S100Z: variants seen among roughly 807,000 people sequenced by gnomAD.
S100Z encodes protein S100-Z.
In S100Z, 11 loss-of-function variants were observed where a neutral mutation model predicts 8.5. That is an observed-to-expected ratio of 1.30 (90% confidence interval 0.82 to 2.15). The LOEUF is 2.15. S100Z is among the 30% of genes most tolerant of loss of function. The pLI is 0.00. For missense variants in S100Z, 126 were observed against 117.9 expected (o/e 1.07, Z -0.32); for synonymous variants, 34 against 43.8 (o/e 0.78, Z 0.89).
intron 4 of S100Z, among the ~76,000 whole-genome samples, chr5:76,906,978 A>ATG (rs1744461868): frequency 1.3e-3 from 4 of 3,018 alleles, no homozygotes; most frequent in Admixed American, 8.5e-3. Context: ...GTGTGTGTGT[A>ATG]TATATATATA....
At chr5:76,932,544 G>T in the S100Z span, among the ~76,000 whole-genome samples, 1 of 152,066 alleles carries the variant, frequency 6.6e-6, no homozygotes, top group East Asian at 1.9e-4. Context: ...AGCAGAGATG[G>T]GGTTTCATCA....
intron 4 of S100Z, among the ~76,000 whole-genome samples, chr5:76,882,070 G>A (rs1431191021): frequency 6.6e-6 from 1 of 152,196 alleles, no homozygotes; most frequent in African/African-American, 2.4e-5. Flanking sequence ...CCCTTTGCAA[G>A]AGTGAGGGCT....
chr5:76,880,145 G>A (rs2150646644), intron 4 of S100Z, among the ~76,000 whole-genome samples: 1 of 152,326 alleles, frequency 6.6e-6, no homozygotes, highest in South Asian at 2.1e-4. Context: ...ACTTTCTTAA[G>A]GGTGGGGGAG....
At chr5:76,952,569 T>C in the S100Z span, 2 of 152,634 alleles carry the variant, frequency 1.3e-5, no homozygotes, top group Non-Finnish European at 2.9e-5. Flanking sequence ...ATGCCTCAAG[T>C]TTCTTACTGA....
At chr5:76,862,880 T>G (rs2150626075) in intron 1 of S100Z, among the ~76,000 whole-genome samples, 1 of 152,276 alleles carries the variant, frequency 6.6e-6, no homozygotes, top group East Asian at 1.9e-4. Flanking sequence ...TCAAGTTCAC[T>G]CCTGCTCTGT....
In S100Z at chr5:76,921,055, G is replaced by A. The variant is rs1263479640; in HGVS notation, c.*341G>A. On this transcript the variant is annotated 3_prime_UTR_variant, in exon 5 of 5. Transcript: ENST00000317593. ...AAAGTAATATAAGTTTATTGTAGGG[G>A]GAAATAATCAAATGTAATCTCATTA... 3 of 151,972 alleles carry A rather than the reference G, an allele frequency of 2.0e-5. No individual in the cohort carries two copies. Among genetic ancestry groups the A allele is most frequent in the Non-Finnish European group, 4.4e-5 (3 of 67,984 alleles). 9.4% of individuals were successfully genotyped at this position (151,972 alleles called of 1,614,324 possible).
intron 4 of S100Z, among the ~76,000 whole-genome samples, chr5:76,880,385 T>A (rs1035791807): frequency 4.6e-5 from 7 of 152,126 alleles, no homozygotes; most frequent in African/African-American, 1.7e-4. Context: ...TGGTGAAGTG[T>A]TGGGGTGGCG....
chr5:76,914,543 T>C (rs1024223837), intron 4 of S100Z, among the ~76,000 whole-genome samples: 3 of 152,068 alleles, frequency 2.0e-5, no homozygotes, highest in East Asian at 1.9e-4. Flanking sequence ...GTTCTTTCAC[T>C]CTTCGCAATA....
At chr5:76,870,783 A>G (rs1320689664) in intron 2 of S100Z, among the ~76,000 whole-genome samples, 1 of 152,112 alleles carries the variant, frequency 6.6e-6, no homozygotes, top group African/African-American at 2.4e-5. Flanking sequence ...CTGAGACCAC[A>G]GTGGGAACAA....
the S100Z span, among the ~76,000 whole-genome samples, chr5:76,937,604 A>G: frequency 6.6e-6 from 1 of 151,824 alleles, no homozygotes; most frequent in Non-Finnish European, 1.5e-5. Context: ...ATAAAAAAAA[A>G]TAGCTGGATG....
At position 76,907,453 on chromosome 5, in the gene S100Z, G is replaced by A. The variant is rs542832703; in HGVS notation, c.*3-13264G>A. ...CAAGTAGCTGGGACTACAGGGGCCCGCCACCATGCCCGGCTAATTTTTTGT... is the reference window on the plus strand; with the variant it reads ...CAAGTAGCTGGGACTACAGGGGCCCACCACCATGCCCGGCTAATTTTTTGT... On this transcript the variant is annotated intron_variant, in intron 4 of 4. Transcript: ENST00000317593. 1.5e-4 allele frequency among the ~76,000 whole-genome samples: 23 copies of A among 152,020 alleles called. No individual in the cohort carries two copies. The East Asian group carries it at 2.3e-3, about 15-fold the overall frequency.
chr5:76,914,379 C>CCAATCAGCACTCTGTAAAAACGG (rs1561251212), intron 4 of S100Z, among the ~76,000 whole-genome samples: 1 of 129,978 alleles, frequency 7.7e-6, no homozygotes, highest in Non-Finnish European at 1.6e-5. Context: ...TTTGTAAACA[C>CCAATCAGCACTCTGTAAAAACGG]ACCAATCAGC....
chr5:76,924,397 C>T (rs975344140), downstream of S100Z, among the ~76,000 whole-genome samples: 21 of 152,210 alleles, frequency 1.4e-4, no homozygotes, highest in African/African-American at 5.1e-4. Context: ...ATTCTCTGTT[C>T]ACTTTCAGCA....
At chr5:76,876,827 AG>A (rs1317976327) in intron 3 of S100Z, among the ~76,000 whole-genome samples, 1 of 152,178 alleles carries the variant, frequency 6.6e-6, no homozygotes, top group Admixed American at 6.5e-5. Context: ...GCAGAAAATG[AG>A]GGGGGCATGG....
chr5:76,929,705 T>A, the S100Z span, among the ~76,000 whole-genome samples: 2 of 151,974 alleles, frequency 1.3e-5, no homozygotes, highest in African/African-American at 4.8e-5. Flanking sequence ...TGAATCAGAG[T>A]GAATGGTAGA....
At chr5:76,940,665 G>A in the S100Z span, among the ~76,000 whole-genome samples, 11 of 152,194 alleles carry the variant, frequency 7.2e-5, no homozygotes, top group South Asian at 4.2e-4. Context: ...CACCCACCAC[G>A]GCCTCCCAAA....
At chr5:76,904,004 G>C (rs1301208925) in intron 4 of S100Z, among the ~76,000 whole-genome samples, 1 of 152,010 alleles carries the variant, frequency 6.6e-6, no homozygotes, top group Non-Finnish European at 1.5e-5. Flanking sequence ...CAAAGTGCCA[G>C]GATTACAGGC....
At chr5:76,866,295 C>A (rs1045751952) in intron 1 of S100Z, among the ~76,000 whole-genome samples, 3 of 152,012 alleles carry the variant, frequency 2.0e-5, no homozygotes, top group African/African-American at 7.2e-5. Context: ...ATGTTGCCCA[C>A]AATGGTCTCG....
At chr5:76,938,664 G>C in the S100Z span, among the ~76,000 whole-genome samples, 1 of 152,160 alleles carries the variant, frequency 6.6e-6, no homozygotes, top group South Asian at 2.1e-4. Flanking sequence ...TCCCAACATT[G>C]CAAAGGCATT....
Sources: allele counts gnomAD v4.1 joint callset (sites outside exome capture counted in the v4.1 genomes callset), GRCh38; gene constraint gnomAD v4.1.1; transcripts MANE v1.5; gene names NCBI Gene and HGNC (gene_info 2026-07-23, HGNC 2026-07-21).